DENND5A: variants seen among roughly 807,000 people sequenced by gnomAD.
DENND5A encodes the protein DENN domain-containing protein 5A.
Under a neutral mutation model 140.3 loss-of-function variants are expected in DENND5A, and 64 were observed. The ratio of observed to expected loss-of-function variants is 0.46; its 90% CI spans 0.37 to 0.56. DENND5A has a LOEUF of 0.56. Ranked by LOEUF, DENND5A falls within the 20% of genes least tolerant of loss-of-function variation. The pLI is 0.00. For missense variants in DENND5A, 1,292 were observed against 1,593.8 expected (o/e 0.81, Z 3.22); for synonymous variants, 605 against 607.7 (o/e 1.00, Z 0.07).
intron 1 of DENND5A, among the ~76,000 whole-genome samples, chr11:9,247,671 T>C (rs1851537411): frequency 2.0e-5 from 3 of 152,240 alleles, no homozygotes; most frequent in South Asian, 4.1e-4. Flanking sequence ...GAGATGCTCA[T>C]GTTACAGGTT....
chr11:9,190,256 G>A (rs1464566518), intron 5 of DENND5A, among the ~76,000 whole-genome samples: 1 of 152,110 alleles, frequency 6.6e-6, no homozygotes, highest in Non-Finnish European at 1.5e-5. Context: ...GGGGACTGTT[G>A]GGAGGCATGA....
At chr11:9,190,958 A>T (rs1004147243) in intron 5 of DENND5A, among the ~76,000 whole-genome samples, 1 of 152,178 alleles carries the variant, frequency 6.6e-6, no homozygotes, top group African/African-American at 2.4e-5. Context: ...ATCAAGGTAG[A>T]AAATATCCAG....
chr11:9,151,758 T>C (rs1469293241), intron 13 of DENND5A, among the ~76,000 whole-genome samples: 1 of 152,200 alleles, frequency 6.6e-6, no homozygotes, highest in Non-Finnish European at 1.5e-5. Context: ...GACTGGCTCT[T>C]GTTTGGCCTC....
intron 1 of DENND5A, among the ~76,000 whole-genome samples, chr11:9,264,627 C>T (rs1852360679): frequency 6.6e-6 from 1 of 152,124 alleles, no homozygotes; most frequent in South Asian, 2.1e-4. Context: ...GGGACGCCTT[C>T]CCTCCCTAAT....
At chr11:9,255,312 C>A (rs889278369) in intron 1 of DENND5A, among the ~76,000 whole-genome samples, 1 of 151,978 alleles carries the variant, frequency 6.6e-6, no homozygotes, top group Admixed American at 6.6e-5. Flanking sequence ...TAAACACGGC[C>A]GGGCGCGGTG....
At chr11:9,262,861 C>T (rs1035199425) in intron 1 of DENND5A, among the ~76,000 whole-genome samples, 1 of 152,100 alleles carries the variant, frequency 6.6e-6, no homozygotes, top group African/African-American at 2.4e-5. Flanking sequence ...CCTGCCTCAG[C>T]CTCCTGAGTA....
intron 9 of DENND5A, chr11:9,170,320 AT>A (rs1488055974): frequency 1.1e-5 from 11 of 978,448 alleles, no homozygotes; most frequent in Non-Finnish European, 1.2e-5. Context: ...ACTGCCATTT[AT>A]TAAATACAAT....
intron 1 of DENND5A, among the ~76,000 whole-genome samples, chr11:9,213,934 T>G (rs1849984272): frequency 6.6e-6 from 1 of 152,178 alleles, no homozygotes; most frequent in South Asian, 2.1e-4. Flanking sequence ...CTATTTCATA[T>G]TATCTGTAGA....
intron 1 of DENND5A, among the ~76,000 whole-genome samples, chr11:9,216,599 AGGAGGACTAACC>A (rs1407313384): frequency 6.6e-6 from 1 of 152,248 alleles, no homozygotes; most frequent in African/African-American, 2.4e-5. Context: ...AGCTAAAAAC[AGGAGGACTAACC>A]GAAAGCCTGT....
At chr11:9,250,932 G>A (rs1030055092) in intron 1 of DENND5A, among the ~76,000 whole-genome samples, 7 of 152,050 alleles carry the variant, frequency 4.6e-5, no homozygotes, top group African/African-American at 9.6e-5. Context: ...TCAGGAGTTC[G>A]AGGCCAGCCC....
At chr11:9,226,582 A>G (rs1461365117) in intron 1 of DENND5A, among the ~76,000 whole-genome samples, 1 of 152,190 alleles carries the variant, frequency 6.6e-6, no homozygotes, top group African/African-American at 2.4e-5. Context: ...ACTCTTCTTG[A>G]AGAATTATTT....
At chr11:9,150,887 T>A (rs183507673) in intron 13 of DENND5A, 123 bp from the exon 14 acceptor site, 8 of 493,098 alleles carry the variant, frequency 1.6e-5, no homozygotes, top group African/African-American at 1.2e-4. Context: ...AACACTTTAA[T>A]TGATTGTTTC....
Position 9,181,459 on chromosome 11 carries a change from C to T in DENND5A, c.1138-375G>A, listed in dbSNP as rs1008749316. 5.3e-5 allele frequency among the ~76,000 whole-genome samples: 8 copies of T among 152,108 alleles called. No homozygotes were observed. The South Asian group carries it at 1.4e-3, about 28-fold the overall frequency. The stretch of plus-strand genomic sequence containing the variant: ...CATTAAATGTTTGGTAAAGGCCAGG[C>T]GCAGTGGCTCACATCTGCAATGCCA... On this transcript the variant is annotated intron_variant, in intron 5 of 22. Transcript: ENST00000328194.
chr11:9,207,990 A>G (rs1849749477), intron 1 of DENND5A, among the ~76,000 whole-genome samples: 2 of 152,220 alleles, frequency 1.3e-5, no homozygotes, highest in Admixed American at 6.5e-5. Flanking sequence ...AAAGTATACT[A>G]TCCCAAATAT....
intron 5 of DENND5A, among the ~76,000 whole-genome samples, chr11:9,188,196 A>G (rs1236127845): frequency 6.6e-6 from 1 of 152,142 alleles, no homozygotes; most frequent in East Asian, 1.9e-4. Context: ...TGATGGTTTT[A>G]TAAGGGGGAG....
intron 1 of DENND5A, among the ~76,000 whole-genome samples, chr11:9,259,026 C>G (rs1376994172): frequency 6.6e-6 from 1 of 151,996 alleles, no homozygotes; most frequent in Non-Finnish European, 1.5e-5. Context: ...TTTGGGAGGC[C>G]GAGGCGGGCA....
chr11:9,142,972 T>C lies in DENND5A; in HGVS notation c.3388-127A>G. 6 of 1,251,816 alleles carry C rather than the reference T, an allele frequency of 4.8e-6. 1 individual carries two copies. Among genetic ancestry groups the C allele is most frequent in the Middle Eastern group, 2.8e-4 (1 of 3,542 alleles). The allele number at this position is 1,251,816 out of a possible 1,614,324, so 77.5% of individuals were successfully genotyped here. A position where few individuals can be genotyped will look rare whatever the true frequency, so the allele number is the denominator to read the frequency against. ...AAGACAGGCTAGGACTTTGTCTGTT[T>C]CCCTAACACCTGGCACAGTGCCTGG... is the stretch of plus-strand genomic sequence containing the variant. On this transcript the variant is annotated intron_variant, in intron 20 of 22. Transcript: ENST00000328194.
At chr11:9,229,897 T>TTC in intron 1 of DENND5A, among the ~76,000 whole-genome samples, 1 of 131,448 alleles carries the variant, frequency 7.6e-6, no homozygotes, top group African/African-American at 2.7e-5. Context: ...AAGCTCCCAT[T>TTC]TCTTTTTTTT....
At chr11:9,246,336 G>A (rs1851470046) in intron 1 of DENND5A, among the ~76,000 whole-genome samples, 1 of 152,168 alleles carries the variant, frequency 6.6e-6, no homozygotes, top group African/African-American at 2.4e-5. Context: ...TGTAGGGCCA[G>A]GTGGGGTGGC....
Sources: allele counts gnomAD v4.1 joint callset (sites outside exome capture counted in the v4.1 genomes callset), GRCh38; gene constraint gnomAD v4.1.1; transcripts MANE v1.5; gene names NCBI Gene and HGNC (gene_info 2026-07-23, HGNC 2026-07-21).